UBE2W: variants seen among roughly 807,000 people sequenced by gnomAD.
UBE2W encodes the protein ubiquitin-conjugating enzyme E2 W.
Under a neutral mutation model 27.2 loss-of-function variants are expected in UBE2W, and 18 were observed. The ratio of observed to expected loss-of-function variants is 0.66; its 90% CI spans 0.46 to 0.98. The LOEUF is 0.98. UBE2W is among the 50% of genes least tolerant of loss of function. The pLI, the probability that UBE2W is intolerant of heterozygous loss-of-function variation, is 0.00. For synonymous variants in UBE2W, 53 were observed against 57.2 expected, an observed-to-expected ratio of 0.93 and a Z score of 0.33; for missense variants, 90 against 180.2, an observed-to-expected ratio of 0.50 and a Z score of 2.87.
chr8:73,833,338 AAAAAG>A (rs1338544329), intron 1 of UBE2W, among the ~76,000 whole-genome samples: 44 of 151,858 alleles, frequency 2.9e-4, no homozygotes, highest in Middle Eastern at 3.4e-3. Flanking sequence ...TGAAATAAGA[AAAAAG>A]AAAAGAAAAT....
At chr8:73,837,498 G>A (rs1482970580) in intron 1 of UBE2W, among the ~76,000 whole-genome samples, 2 of 151,994 alleles carry the variant, frequency 1.3e-5, no homozygotes, top group Non-Finnish European at 2.9e-5. Flanking sequence ...GGGCAACAGA[G>A]TGAGACTCTT....
At chr8:73,799,607 C>A (rs1247614189) in intron 5 of UBE2W, among the ~76,000 whole-genome samples, 1 of 152,160 alleles carries the variant, frequency 6.6e-6, no homozygotes, top group Admixed American at 6.5e-5. Flanking sequence ...CTAAACCAAA[C>A]CTCTCTTGCC....
At chr8:73,873,945 G>A (rs936192772) in intron 1 of UBE2W, among the ~76,000 whole-genome samples, 5 of 152,088 alleles carry the variant, frequency 3.3e-5, no homozygotes, top group African/African-American at 7.2e-5. Flanking sequence ...AAGACACAAC[G>A]TAACAGGAGG....
At chr8:73,815,718 A>C (rs1809357565) in intron 3 of UBE2W, among the ~76,000 whole-genome samples, 1 of 152,214 alleles carries the variant, frequency 6.6e-6, no homozygotes, top group African/African-American at 2.4e-5. Context: ...AAAGTCTATA[A>C]CCTAACATGG....
intron 3 of UBE2W, among the ~76,000 whole-genome samples, chr8:73,816,727 A>T (rs1809401500): frequency 6.6e-6 from 1 of 152,224 alleles, no homozygotes; most frequent in African/African-American, 2.4e-5. Flanking sequence ...TTCATCAAAA[A>T]TTAGCTAAAA....
intron 3 of UBE2W, among the ~76,000 whole-genome samples, chr8:73,811,137 A>G (rs893197917): frequency 2.0e-5 from 3 of 152,152 alleles, no homozygotes; most frequent in African/African-American, 7.2e-5. Flanking sequence ...CACCTCCTCT[A>G]AACTTACACA....
intron 1 of UBE2W, among the ~76,000 whole-genome samples, chr8:73,832,328 A>G (rs967957375): frequency 2.0e-5 from 3 of 152,072 alleles, no homozygotes; most frequent in African/African-American, 4.8e-5. Flanking sequence ...TAGAAAAATC[A>G]TAACAAAAAG....
At chr8:73,842,294 C>T (rs747066119) in intron 1 of UBE2W, among the ~76,000 whole-genome samples, 3 of 151,724 alleles carry the variant, frequency 2.0e-5, no homozygotes, top group Non-Finnish European at 2.9e-5. Context: ...TCTGGGAGGC[C>T]GAGGCGGGTG....
rs1808208228 is a variant in UBE2W, at chr8:73,791,687, G to A, written c.*2415C>T. 1.0e-6 allele frequency: 1 copy of A among 985,014 alleles called. No homozygotes were observed. Among genetic ancestry groups the A allele is most frequent in the Non-Finnish European group, 1.2e-6 (1 of 829,726 alleles). The allele number at this position is 985,014 out of a possible 1,614,324, so 61.0% of individuals were successfully genotyped here. ...AATCTAAGTGCAAGGAGTTTTCAATGATTCCTAAATTCAAGAGAGTGTTGT... is the reference window on the plus strand; with the variant it reads ...AATCTAAGTGCAAGGAGTTTTCAATAATTCCTAAATTCAAGAGAGTGTTGT... On this transcript the variant is annotated 3_prime_UTR_variant, in exon 6 of 6. Transcript: ENST00000602593.
intron 5 of UBE2W, among the ~76,000 whole-genome samples, chr8:73,798,883 T>A (rs1808526246): frequency 6.6e-6 from 1 of 152,162 alleles, no homozygotes; most frequent in South Asian, 2.1e-4. Flanking sequence ...CCCATCTATA[T>A]GCTGAGGTGA....
rs560235903 is a variant in UBE2W at position 73,801,083 on chromosome 8, T to G, written c.442+4568A>C. Among the ~76,000 whole-genome samples the G allele has an allele frequency of 7.9e-5, 12 of 151,670 alleles. No homozygotes were observed. In the East Asian group the frequency reaches 2.1e-3, roughly 27 times the overall value. On this transcript the variant is annotated intron_variant, in intron 5 of 5. Transcript: ENST00000602593. ...CCAGCCTGGGCAACAAGAACAAAAC[T>G]CCGTCAAAAAAAAGAAAAAGAAAAA...
downstream of UBE2W, among the ~76,000 whole-genome samples, chr8:73,781,269 CAAAAA>C (rs72377675): frequency 0.082 from 7,060 of 86,082 alleles, 553 homozygotes; most frequent in African/African-American, 0.2. Context: ...GACTCAGTCT[CAAAAA>C]AAAAAAAAAA....
In UBE2W at chr8:73,792,226, G is replaced by T. The variant is rs552427157; in HGVS notation, c.*1876C>A. The T allele has an allele frequency of 2.0e-6, 2 of 985,700 alleles. No homozygotes were observed. The highest frequency in any genetic ancestry group is 2.3e-4 in the East Asian group (2 of 8,820). The allele number at this position is 985,700 out of a possible 1,614,324, so 61.1% of individuals were successfully genotyped here. On this transcript the variant is annotated 3_prime_UTR_variant, in exon 6 of 6. Coordinates refer to ENST00000602593, the MANE Select transcript of UBE2W (RefSeq NM_018299.6). ...CAGGCCAACTAATAAAACTGACAGA[G>T]ATCATTGTGAGAATTTATCTAGTCA...
downstream of UBE2W, among the ~76,000 whole-genome samples, chr8:73,784,351 A>G (rs1478409117): frequency 6.6e-6 from 1 of 152,148 alleles, no homozygotes; most frequent in Non-Finnish European, 1.5e-5. Flanking sequence ...GAGACTCAGT[A>G]GGCATTCAAT....
At chr8:73,845,451 G>A (rs1480450095) in intron 1 of UBE2W, among the ~76,000 whole-genome samples, 1 of 152,096 alleles carries the variant, frequency 6.6e-6, no homozygotes, top group African/African-American at 2.4e-5. Context: ...TCCACTAAGG[G>A]TTAAATGGAT....
At chr8:73,876,688 G>A (rs1398001871) in intron 1 of UBE2W, among the ~76,000 whole-genome samples, 1 of 152,180 alleles carries the variant, frequency 6.6e-6, no homozygotes, top group Non-Finnish European at 1.5e-5. Context: ...CATCATGTAG[G>A]CCAGGCACGG....
intron 3 of UBE2W, among the ~76,000 whole-genome samples, chr8:73,817,287 C>T (rs1194861741): frequency 6.6e-6 from 1 of 152,074 alleles, no homozygotes; most frequent in Non-Finnish European, 1.5e-5. Flanking sequence ...AAGATCATGC[C>T]ACTGCACTAC....
intron 3 of UBE2W, among the ~76,000 whole-genome samples, chr8:73,815,475 CAAT>C (rs1405170123): frequency 9.9e-5 from 15 of 152,152 alleles, no homozygotes; most frequent in Admixed American, 9.8e-4. Context: ...TAATAAAAAT[CAAT>C]AATTGAAAGT....
chr8:73,869,292 T>G (rs1811901434), intron 1 of UBE2W, among the ~76,000 whole-genome samples: 1 of 152,184 alleles, frequency 6.6e-6, no homozygotes, highest in African/African-American at 2.4e-5. Context: ...GCACAGTGGC[T>G]CATGCCTGTA....
Sources: allele counts gnomAD v4.1 joint callset (sites outside exome capture counted in the v4.1 genomes callset), GRCh38; gene constraint gnomAD v4.1.1; transcripts MANE v1.5; gene names NCBI Gene and HGNC (gene_info 2026-07-23, HGNC 2026-07-21).